Variants in CYSTM1 observed in about 807,000 individuals in gnomAD.
CYSTM1 encodes the protein cysteine rich transmembrane module containing 1.
In CYSTM1, 4 loss-of-function variants were observed where a neutral mutation model predicts 13.1. The observed-to-expected ratio is 0.31, with a 90% confidence interval of 0.15 to 0.70. The LOEUF is 0.70. Among genes scored for constraint, CYSTM1 ranks in the 30% least tolerant of loss-of-function variants. CYSTM1 has a pLI of 0.72. For missense variants in CYSTM1, 96 were observed against 121.6 expected, an observed-to-expected ratio of 0.79 and a Z score of 0.99; for synonymous variants, 36 against 42.7, an observed-to-expected ratio of 0.84 and a Z score of 0.62.
chr5:140,227,774 C>T (rs530026320), intron 2 of CYSTM1, among the ~76,000 whole-genome samples: 43 of 152,152 alleles, frequency 2.8e-4, no homozygotes, highest in South Asian at 1.0e-3. Flanking sequence ...CTAGGCCCCA[C>T]CCTTCTGCCA....
In CYSTM1 at chr5:140,239,804, G is replaced by A. The variant is rs1764725269; in HGVS notation, c.188-3501G>A. On this transcript the variant is annotated intron_variant, in intron 2 of 2. Coordinates refer to ENST00000261811, the MANE Select transcript of CYSTM1 (RefSeq NM_032412.4). The surrounding 1 kb of genome is among the most constrained non-coding windows in gnomAD (Gnocchi z 5.4). Reference sequence around the variant, plus strand: ...ATACTGAGGGTTGATTCAAAGGGCTGACTGCGGGCAAGAGAGGCAAGCCAG... The same window carrying A: ...ATACTGAGGGTTGATTCAAAGGGCTAACTGCGGGCAAGAGAGGCAAGCCAG... Among the ~76,000 whole-genome samples the A allele has an allele frequency of 6.6e-6, 1 of 152,210 alleles. No individual in the cohort carries two copies. Among genetic ancestry groups the A allele is most frequent in the African/African-American group, 2.4e-5 (1 of 41,456 alleles).
intron 1 of CYSTM1, 52 bp from the exon 2 acceptor site, chr5:140,194,394 T>C: frequency 6.9e-7 from 1 of 1,459,770 alleles, no homozygotes; most frequent in Non-Finnish European, 9.1e-7. Flanking sequence ...ATTTTATTCC[T>C]GATGATTTCC....
intron 2 of CYSTM1, among the ~76,000 whole-genome samples, chr5:140,232,335 C>T (rs1308127809): frequency 6.6e-6 from 1 of 152,064 alleles, no homozygotes; most frequent in Admixed American, 6.5e-5. Context: ...AGAGCCTTGG[C>T]ATGTTGATGA....
At chr5:140,190,944 T>C (rs1340383351) in intron 1 of CYSTM1, among the ~76,000 whole-genome samples, 1 of 152,258 alleles carries the variant, frequency 6.6e-6, no homozygotes, top group Non-Finnish European at 1.5e-5. Flanking sequence ...AAAGCAGTCA[T>C]GTTACAAAGT....
At chr5:140,211,629 A>G (rs1054057798) in intron 2 of CYSTM1, among the ~76,000 whole-genome samples, 6 of 152,080 alleles carry the variant, frequency 3.9e-5, no homozygotes, top group African/African-American at 1.4e-4. Flanking sequence ...TTCCCCTGGA[A>G]CCTCGTACAG....
intron 2 of CYSTM1, among the ~76,000 whole-genome samples, chr5:140,216,141 C>CA (rs796954980): frequency 0.029 from 4,186 of 144,324 alleles, 186 homozygotes; most frequent in African/African-American, 0.1. Flanking sequence ...GACCCTGTCT[C>CA]AAAAAAAAAA....
Position 140,198,040 on chromosome 5 carries a change from A to G in CYSTM1, c.187+3388A>G, listed in dbSNP as rs369577217. Among the ~76,000 whole-genome samples, 3 of 152,354 alleles carry G rather than the reference A, an allele frequency of 2.0e-5. No individual in the cohort carries two copies. The East Asian group carries it at 5.8e-4, about 29-fold the overall frequency. ...TTTTGGAAGCCATGTGATTGGAAGC[A>G]GCAAGTGCTTGTAGGAATAAGGTCT... is the stretch of plus-strand genomic sequence containing the variant. On this transcript the variant is annotated intron_variant, in intron 2 of 2. Coordinates refer to ENST00000261811, the MANE Select transcript of CYSTM1 (RefSeq NM_032412.4).
At chr5:140,183,648 G>T (rs943027585) in intron 1 of CYSTM1, among the ~76,000 whole-genome samples, 1 of 152,246 alleles carries the variant, frequency 6.6e-6, no homozygotes, top group Non-Finnish European at 1.5e-5. Flanking sequence ...GCAGTATGGG[G>T]AAGGTATTAT....
Position 140,188,070 on chromosome 5 carries a change from C to CTT in CYSTM1, c.-20-6359_-20-6358dup, listed in dbSNP as rs71276334. Reference sequence around the variant, plus strand: ...TTTAAAAAATATTTGTTAATTTTAACTTTTTTTTTTTTTTTTTTAGAGACA... The same window carrying CTT: ...TTTAAAAAATATTTGTTAATTTTAACTTTTTTTTTTTTTTTTTTTTAGAGACA... On this transcript the variant is annotated intron_variant, in intron 1 of 2. Transcript: ENST00000261811. 5.4e-3 allele frequency among the ~76,000 whole-genome samples: 719 copies of CTT among 133,470 alleles called. 5 individuals carry two copies. The highest frequency in any genetic ancestry group is 0.017 in the African/African-American group (616 of 35,918). 87.6% of individuals were successfully genotyped at this position (133,470 alleles called of 152,430 possible).
chr5:140,226,870 A>G (rs889771927), intron 2 of CYSTM1, among the ~76,000 whole-genome samples: 1 of 151,802 alleles, frequency 6.6e-6, no homozygotes, highest in African/African-American at 2.4e-5. Context: ...TGGGGTGGGC[A>G]CTACCAAGGG....
chr5:140,185,884 C>G (rs987367748), intron 1 of CYSTM1, among the ~76,000 whole-genome samples: 1 of 152,206 alleles, frequency 6.6e-6, no homozygotes, highest in African/African-American at 2.4e-5. Context: ...TATGGTATGA[C>G]TCTTCCGATT....
chr5:140,177,618 G>C (rs1763906077), intron 1 of CYSTM1, among the ~76,000 whole-genome samples: 1 of 152,108 alleles, frequency 6.6e-6, no homozygotes, highest in Non-Finnish European at 1.5e-5. Flanking sequence ...TGAGACCTGG[G>C]GAAACGGGAC....
rs185325983 is a variant in CYSTM1, at chr5:140,191,021, T to C, written c.-20-3425T>C. 2.4e-3 allele frequency among the ~76,000 whole-genome samples: 370 copies of C among 152,324 alleles called. 15 individuals carry two copies. The highest frequency in any genetic ancestry group is 0.022 in the Admixed American group (339 of 15,304). On this transcript the variant is annotated intron_variant, in intron 1 of 2. Transcript: ENST00000261811. ...TTATGTAAAGTGGTTTGTACTATACTGTGTCAGTGTTAGGTAATCTTTTTT... is the reference window on the plus strand; with the variant it reads ...TTATGTAAAGTGGTTTGTACTATACCGTGTCAGTGTTAGGTAATCTTTTTT...
At chr5:140,206,815 G>A (rs1016397292) in intron 2 of CYSTM1, among the ~76,000 whole-genome samples, 1 of 151,978 alleles carries the variant, frequency 6.6e-6, no homozygotes, top group Non-Finnish European at 1.5e-5. Flanking sequence ...AAAATTTTTT[G>A]TAGAGAGGGG....
chr5:140,177,280 C>CTATTA (rs1030575277), intron 1 of CYSTM1, among the ~76,000 whole-genome samples: 1 of 151,588 alleles, frequency 6.6e-6, no homozygotes, highest in Admixed American at 6.6e-5. Context: ...ACACAGCTGT[C>CTATTA]TATTTTATTT....
Position 140,204,257 on chromosome 5 carries a change from G to A in CYSTM1, c.187+9605G>A, listed in dbSNP as rs372011081. On this transcript the variant is annotated intron_variant, in intron 2 of 2. Coordinates refer to ENST00000261811, the MANE Select transcript of CYSTM1 (RefSeq NM_032412.4). ...GTGTGGTAGTGCGTGCCTGTAGTCC[G>A]ATCTGCTCAGGAGGCTGAGGCAGGA... Among the ~76,000 whole-genome samples the A allele has an allele frequency of 3.2e-4, 49 of 152,128 alleles. 2 individuals are homozygous for A. The South Asian group carries it at 9.6e-3, about 30-fold the overall frequency.
At chr5:140,221,411 A>G (rs910471315) in intron 2 of CYSTM1, among the ~76,000 whole-genome samples, 2 of 152,076 alleles carry the variant, frequency 1.3e-5, no homozygotes, top group African/African-American at 4.8e-5. Context: ...CCACCATTCT[A>G]CTTTCCATGT....
chr5:140,179,308 C>T (rs1425115287), intron 1 of CYSTM1, among the ~76,000 whole-genome samples: 1 of 149,240 alleles, frequency 6.7e-6, no homozygotes, highest in Non-Finnish European at 1.5e-5. Context: ...CCTGTAATCT[C>T]AGCACTTTGG....
At chr5:140,202,991 A>T (rs1430094002) in intron 2 of CYSTM1, 1 of 151,928 alleles carries the variant, frequency 6.6e-6, no homozygotes, top group Non-Finnish European at 1.5e-5. Context: ...AAGAAAAAAA[A>T]ATCACGTCTG....
Sources: allele counts gnomAD v4.1 joint callset (sites outside exome capture counted in the v4.1 genomes callset), GRCh38; gene constraint gnomAD v4.1.1; non-coding constraint Gnocchi (gnomAD v3.1); transcripts MANE v1.5; gene names NCBI Gene and HGNC (gene_info 2026-07-23, HGNC 2026-07-21).